The following F10 variants were observed in gnomAD, a reference collection of about 807,000 sequenced individuals.
The protein encoded by F10 is coagulation factor X.
In F10, 29 loss-of-function variants were observed where a neutral mutation model predicts 37.1. The ratio of observed to expected loss-of-function variants is 0.78; its 90% CI spans 0.58 to 1.07. F10 has a LOEUF of 1.07. Ranked by LOEUF, F10 falls within the 50% of genes least tolerant of loss-of-function variation. The pLI is 0.00. For missense variants in F10, 539 were observed against 667.9 expected (o/e 0.81, Z 2.13); for synonymous variants, 262 against 268.6 (o/e 0.98, Z 0.24).
Position 113,139,259 on chromosome 13 carries a change from G to C in F10, c.257-98G>C. On this transcript the variant is annotated intron_variant, in intron 3 of 7. Transcript: ENST00000375559. The surrounding 1 kb of genome is among the most constrained non-coding windows in gnomAD (Gnocchi z 5.2). ...ACAGAGAAACCGGAAGACTCTTCCA[G>C]TTATCTGAACGGCAGGGCCAAGGTT... is the stretch of plus-strand genomic sequence containing the variant. 1.1e-6 allele frequency: 1 copy of C among 920,176 alleles called. No individual in the cohort carries two copies. The highest frequency in any genetic ancestry group is 1.7e-6 in the Non-Finnish European group (1 of 571,588). The allele number at this position is 920,176 out of a possible 1,614,324, so 57.0% of individuals were successfully genotyped here.
Position 113,144,570 on chromosome 13 carries a change from C to T in F10, c.747+475C>T, listed in dbSNP as rs9549675. ...GGCCTCCATCTGCTCTTCTGTTTGA[C>T]GGGAGGCAGAAAGAGTTGGTGTCCT... is the stretch of plus-strand genomic sequence containing the variant. On this transcript the variant is annotated intron_variant, in intron 6 of 7. Transcript: ENST00000375559. This position sits in a 1 kb window ranked among gnomAD's most constrained non-coding sequence, Gnocchi z 6.4. Among the ~76,000 whole-genome samples the T allele has an allele frequency of 0.17, 26,448 of 152,234 alleles. 2,792 individuals are homozygous for T. The highest frequency in any genetic ancestry group is 0.23 in the Admixed American group (3,483 of 15,310).
In F10 at chr13:113,144,106, G is replaced by C. The variant is rs376728587; in HGVS notation, c.747+11G>C. On this transcript the variant is annotated intron_variant, in intron 6 of 7. Coordinates refer to ENST00000375559, the MANE Select transcript of F10 (RefSeq NM_000504.4). This position sits in a 1 kb window ranked among gnomAD's most constrained non-coding sequence, Gnocchi z 6.4. ...GAGTGTCCCTGGCAGGTAACAGTAG[G>C]ATGTCCCCTCGGGCCTGCTGGAGAG... 1.2e-6 allele frequency: 2 copies of C among 1,613,404 alleles called. No individual in the cohort carries two copies. The highest frequency in any genetic ancestry group is 3.3e-5 in the Admixed American group (2 of 60,004).
At chr13:113,138,203 A>G (rs1438871200) in intron 2 of F10, among the ~76,000 whole-genome samples, 1 of 152,238 alleles carries the variant, frequency 6.6e-6, no homozygotes, top group African/African-American at 2.4e-5. Flanking sequence ...TTTCTAGGTA[A>G]TTAACTTGAA....
At position 113,143,699 on chromosome 13, in the gene F10, A is replaced by ATAAC; in HGVS notation, c.503-152_503-151insTAAC. 2.5e-6 allele frequency: 3 copies of ATAAC among 1,203,544 alleles called. No homozygotes were observed. The highest frequency in any genetic ancestry group is 2.1e-5 in the Admixed American group (1 of 46,644). The allele number at this position is 1,203,544 out of a possible 1,614,324, so 74.6% of individuals were successfully genotyped here. On this transcript the variant is annotated intron_variant, in intron 5 of 7. Coordinates refer to ENST00000375559, the MANE Select transcript of F10 (RefSeq NM_000504.4). The surrounding 1 kb of genome is among the most constrained non-coding windows in gnomAD (Gnocchi z 6.8). Reference sequence around the variant, plus strand: ...CCTGCAGATCCGACCCCTGCCGACGACGTGGGGCCTCGCCCTGCAAGCCCG... The same window carrying ATAAC: ...CCTGCAGATCCGACCCCTGCCGACGATAACCGTGGGGCCTCGCCCTGCAAGCCCG...
In F10 at chr13:113,148,343, A is replaced by ATATATATATATATATAT. The variant is rs1168456413; in HGVS notation, c.866-573_866-572insTATATATATATATATAT. Among the ~76,000 whole-genome samples, 4 of 99,192 alleles carry ATATATATATATATATAT rather than the reference A, an allele frequency of 4.0e-5. No homozygotes were observed. The East Asian group carries it at 1.5e-3, about 37-fold the overall frequency. The allele number at this position is 99,192 out of a possible 152,430, so 65.1% of individuals were successfully genotyped here. A position where few individuals can be genotyped will look rare whatever the true frequency, so the allele number is the denominator to read the frequency against. On this transcript the variant is annotated intron_variant, in intron 7 of 7. Transcript: ENST00000375559. ...AAAACTCTGTCTCAAAAAAAAAAAA[A>ATATATATATATATATAT]AAATATATATATATATATATGTATA...
In F10 at chr13:113,146,022, T is replaced by A. The variant is rs1338097468; in HGVS notation, c.748-1357T>A. Among the ~76,000 whole-genome samples the A allele has an allele frequency of 6.6e-6, 1 of 152,126 alleles. No homozygotes were observed. The highest frequency in any genetic ancestry group is 1.5e-5 in the Non-Finnish European group (1 of 68,030). ...GAATGTCCTCTCCTACAAGCAAGAA[T>A]CTCAGAGCTGCCAGCGCCCCCATGA... On this transcript the variant is annotated intron_variant, in intron 6 of 7. Transcript: ENST00000375559. The surrounding 1 kb of genome is among the most constrained non-coding windows in gnomAD (Gnocchi z 4.5).
intron 7 of F10, among the ~76,000 whole-genome samples, chr13:113,148,222 T>C (rs930279404): frequency 2.0e-5 from 3 of 151,524 alleles, no homozygotes; most frequent in East Asian, 1.9e-4. Context: ...TCCCAGCTAC[T>C]TGGGAAGCTG....
rs1392469779 is a variant in F10, at chr13:113,148,408, A to ACG, written c.866-507_866-506insGC. On this transcript the variant is annotated intron_variant, in intron 7 of 7. Coordinates refer to ENST00000375559, the MANE Select transcript of F10 (RefSeq NM_000504.4). ...TATATATACATATATATACACACAC[A>ACG]CACACAATTTCCATAATATATCTTA... Among the ~76,000 whole-genome samples the ACG allele has an allele frequency of 8.8e-4, 130 of 146,894 alleles. 1 individual carries two copies. Among genetic ancestry groups the ACG allele is most frequent in the African/African-American group, 3.1e-3 (125 of 40,152 alleles).
rs372309538 is a variant in F10, at chr13:113,149,098, G to A, written c.1048G>A (p.Glu350Lys). 7.4e-6 allele frequency: 12 copies of A among 1,613,044 alleles called. No homozygotes were observed. Among genetic ancestry groups the A allele is most frequent in the Non-Finnish European group, 9.3e-6 (11 of 1,179,970 alleles). Residue 350 changes from glutamate (E) to lysine (K), a missense_variant, in exon 8 of 8, where the codon GAG becomes AAG. Physicochemically the swap from Glu to Lys is moderately conservative, Grantham distance 56. Around this residue, in one of 2 missense-constraint regions of F10, gnomAD observed 409 missense variants for 547.9 expected, o/e 0.75. Coordinates refer to ENST00000375559, the MANE Select transcript of F10 (RefSeq NM_000504.4). The surrounding 1 kb of genome is among the most constrained non-coding windows in gnomAD (Gnocchi z 7.5). ...PACLPERDWA[E>K]STLMTQKTGI... ...CTGCCTCCCCGAGCGTGACTGGGCC[G>A]AGTCCACGCTGATGACGCAGAAGAC... is the stretch of plus-strand genomic sequence containing the variant.
rs762062267 is a variant in F10, at chr13:113,149,376, C to G, written c.1326C>G (p.Gly442=). 11 of 1,506,062 alleles carry G rather than the reference C, an allele frequency of 7.3e-6. No homozygotes were observed. The highest frequency in any genetic ancestry group is 8.9e-6 in the Non-Finnish European group (10 of 1,123,290). The allele number at this position is 1,506,062 out of a possible 1,614,324, so 93.3% of individuals were successfully genotyped here. A position where few individuals can be genotyped will look rare whatever the true frequency, so the allele number is the denominator to read the frequency against. ...CAGGCATCGTCAGCTGGGGAGAGGG[C>G]TGTGCCCGTAAGGGGAAGTACGGGA... ...FVTGIVSWGE[G]CARKGKYGIY... Residue 442 remains glycine (G), a synonymous_variant, in exon 8 of 8, where the codon GGC becomes GGG. Coordinates refer to ENST00000375559, the MANE Select transcript of F10 (RefSeq NM_000504.4). This position sits in a 1 kb window ranked among gnomAD's most constrained non-coding sequence, Gnocchi z 7.5.
intron 2 of F10, among the ~76,000 whole-genome samples, chr13:113,132,527 CA>C (rs1267462253): frequency 6.6e-6 from 1 of 152,208 alleles, no homozygotes; most frequent in Non-Finnish European, 1.5e-5. Flanking sequence ...TAAAGGTTAT[CA>C]ACAAGTTCCA....
chr13:113,140,700 G>A, intron 4 of F10: 1 of 716,912 alleles, frequency 1.4e-6, no homozygotes, highest in Non-Finnish European at 2.5e-6. Context: ...GGTACCTGGA[G>A]CCTGGCTTCT....
Position 113,144,190 on chromosome 13 carries a change from G to C in F10, c.747+95G>C, listed in dbSNP as rs1041398561. On this transcript the variant is annotated intron_variant, in intron 6 of 7. Coordinates refer to ENST00000375559, the MANE Select transcript of F10 (RefSeq NM_000504.4). The surrounding 1 kb of genome is among the most constrained non-coding windows in gnomAD (Gnocchi z 6.4). Reference sequence around the variant, plus strand: ...AGCCTGACACTTGGAATAGCAATCCGGGAAGGAACTGTTCCGAACTAGGAC... The same window carrying C: ...AGCCTGACACTTGGAATAGCAATCCCGGAAGGAACTGTTCCGAACTAGGAC... 1 of 1,579,396 alleles carries C rather than the reference G, an allele frequency of 6.3e-7. No homozygotes were observed. The highest frequency in any genetic ancestry group is 1.1e-5 in the South Asian group (1 of 89,952).
Position 113,149,230 on chromosome 13 carries a change from A to C in F10, c.1180A>C (p.Ser394Arg). The C allele has an allele frequency of 6.2e-7, 1 of 1,613,122 alleles. No homozygotes were observed. The highest frequency in any genetic ancestry group is 8.5e-7 in the Non-Finnish European group (1 of 1,180,020). The change falls in exon 8 of 8, where the codon AGC (serine) becomes CGC (arginine). Residue 394 changes from serine to arginine, a missense_variant. Around this residue, in one of 2 missense-constraint regions of F10, gnomAD observed 409 missense variants for 547.9 expected, o/e 0.75. Coordinates refer to ENST00000375559, the MANE Select transcript of F10 (RefSeq NM_000504.4). This position sits in a 1 kb window ranked among gnomAD's most constrained non-coding sequence, Gnocchi z 7.5. Reference sequence around the variant, plus strand: ...GGACCGCAACAGCTGCAAGCTGTCCAGCAGCTTCATCATCACCCAGAACAT... The same window carrying C: ...GGACCGCAACAGCTGCAAGCTGTCCCGCAGCTTCATCATCACCCAGAACAT... Reference protein sequence around the residue: ...YVDRNSCKLSSSFIITQNMFC... With the variant: ...YVDRNSCKLSRSFIITQNMFC...
chr13:113,140,234 C>A (rs369906873), intron 4 of F10, among the ~76,000 whole-genome samples: 1 of 151,834 alleles, frequency 6.6e-6, no homozygotes, highest in Non-Finnish European at 1.5e-5. Flanking sequence ...CCACCAGTCC[C>A]GGCTAATTTT....
intron 1 of F10, among the ~76,000 whole-genome samples, chr13:113,123,924 A>G (rs962887184): frequency 1.3e-5 from 2 of 151,712 alleles, no homozygotes; most frequent in Non-Finnish European, 2.9e-5. Flanking sequence ...CAACTCGCCC[A>G]GCCTTCTTCC....
chr13:113,139,620 C>A lies in F10; in HGVS notation c.370+150C>A. 1 of 689,186 alleles carries A rather than the reference C, an allele frequency of 1.5e-6. No homozygotes were observed. Among genetic ancestry groups the A allele is most frequent in the Non-Finnish European group, 2.5e-6 (1 of 394,294 alleles). The allele number at this position is 689,186 out of a possible 1,614,324, so 42.7% of individuals were successfully genotyped here. On this transcript the variant is annotated intron_variant, in intron 4 of 7. Coordinates refer to ENST00000375559, the MANE Select transcript of F10 (RefSeq NM_000504.4). The surrounding 1 kb of genome is among the most constrained non-coding windows in gnomAD (Gnocchi z 5.2). ...CTCTATTATACCTATTATACTGTGC[C>A]ACTATAGCAATAGAAAAAAAAGCCC...
rs1368857117 is a variant in F10, at chr13:113,149,094, G to A, written c.1044G>A (p.Trp348Ter). 1 of 1,613,054 alleles carries A rather than the reference G, an allele frequency of 6.2e-7. No homozygotes were observed. The highest frequency in any genetic ancestry group is 8.5e-7 in the Non-Finnish European group (1 of 1,179,990). The change falls in exon 8 of 8, where the codon TGG (tryptophan) becomes TGA (stop). Residue 348 changes from tryptophan to a stop codon, truncating the protein, a stop_gained. Transcript: ENST00000375559. LOFTEE classifies it low-confidence loss of function (END_TRUNC). This position sits in a 1 kb window ranked among gnomAD's most constrained non-coding sequence, Gnocchi z 7.5. ...VAPACLPERD[W>*]AESTLMTQKT... ...CTGCCTGCCTCCCCGAGCGTGACTGGGCCGAGTCCACGCTGATGACGCAGA... is the reference window on the plus strand; with the variant it reads ...CTGCCTGCCTCCCCGAGCGTGACTGAGCCGAGTCCACGCTGATGACGCAGA...
intron 2 of F10, chr13:113,129,957 T>A: frequency 2.8e-6 from 1 of 352,226 alleles, no homozygotes; most frequent in Non-Finnish European, 5.6e-6. Flanking sequence ...CTCGCCGAGT[T>A]GCAGTGAGCT....
Sources: allele counts gnomAD v4.1 joint callset (sites outside exome capture counted in the v4.1 genomes callset), GRCh38; gene constraint gnomAD v4.1.1; regional missense constraint gnomAD v4.1.1; non-coding constraint Gnocchi (gnomAD v3.1); transcripts MANE v1.5; gene names NCBI Gene and HGNC (gene_info 2026-07-23, HGNC 2026-07-21).